The following ADK variants were observed in gnomAD, a reference collection of about 807,000 sequenced individuals.
The protein encoded by ADK is adenosine kinase, also known as N6,N6-dimethyladenosine kinase.
A neutral mutation model predicts 44.7 loss-of-function variants in ADK; 24 were observed. That is an observed-to-expected ratio of 0.54 (90% CI 0.39 to 0.76). The LOEUF (loss-of-function observed/expected upper bound fraction) is 0.76, where lower values mean the gene tolerates loss of function less well. Ranked by LOEUF, ADK falls within the 30% of genes least tolerant of loss-of-function variation. The probability of loss-of-function intolerance (pLI) is 0.00; values close to 1 mark genes in which losing one functional copy is unlikely to be tolerated. For synonymous variants in ADK, 128 were observed against 142.6 expected (o/e 0.90, Z 0.73); for missense variants, 321 against 425.1 (o/e 0.76, Z 2.15).
In ADK at chr10:74,479,919, A is replaced by C. The variant is rs1261393491; in HGVS notation, c.556-45337A>C. On this transcript the variant is annotated intron_variant, in intron 6 of 10. Transcript: ENST00000539909. Reference sequence around the variant, plus strand: ...AACTATGTTCTTTCCATCCTTTTTAATTTATAATTATAATTATCTTATTAA... The same window carrying C: ...AACTATGTTCTTTCCATCCTTTTTACTTTATAATTATAATTATCTTATTAA... Among the ~76,000 whole-genome samples the C allele has an allele frequency of 2.6e-5, 4 of 152,008 alleles. No individual in the cohort carries two copies. In the East Asian group the frequency reaches 7.7e-4, roughly 29 times the overall value.
chr10:74,644,934 G>A (rs1193817303), intron 9 of ADK, among the ~76,000 whole-genome samples: 2 of 152,052 alleles, frequency 1.3e-5, no homozygotes, highest in Non-Finnish European at 1.5e-5. Flanking sequence ...TTTAGCCCAC[G>A]TCTTATCCAA....
chr10:74,507,191 A>G (rs1848113824), intron 6 of ADK, among the ~76,000 whole-genome samples: 1 of 152,234 alleles, frequency 6.6e-6, no homozygotes, highest in South Asian at 2.1e-4. Context: ...CAAAAACACT[A>G]AAAACACTGT....
chr10:74,185,530 T>A (rs531581700), intron 1 of ADK, among the ~76,000 whole-genome samples: 1 of 151,832 alleles, frequency 6.6e-6, no homozygotes, highest in South Asian at 2.1e-4. Flanking sequence ...AATTTTTTTT[T>A]TTTTTTGAAG....
At chr10:74,691,444 G>A (rs532441097) in intron 10 of ADK, among the ~76,000 whole-genome samples, 2 of 152,282 alleles carry the variant, frequency 1.3e-5, no homozygotes, top group Non-Finnish European at 2.9e-5. Context: ...CTACTATACA[G>A]TGTGAAGTTT....
chr10:74,300,875 G>A (rs1239688751), intron 3 of ADK, among the ~76,000 whole-genome samples: 4 of 152,204 alleles, frequency 2.6e-5, no homozygotes, highest in African/African-American at 4.8e-5. Flanking sequence ...GCAGATGTTT[G>A]TGGGCTCAAA....
At chr10:74,260,865 A>G (rs946825959) in intron 3 of ADK, among the ~76,000 whole-genome samples, 2 of 152,258 alleles carry the variant, frequency 1.3e-5, no homozygotes, top group Non-Finnish European at 2.9e-5. Context: ...ACAATAAAAT[A>G]TAACAGTCTC....
At chr10:74,641,960 C>G (rs1380172350) in intron 9 of ADK, among the ~76,000 whole-genome samples, 10 of 152,186 alleles carry the variant, frequency 6.6e-5, no homozygotes, top group Admixed American at 6.5e-4. Flanking sequence ...TTCAAGGAAT[C>G]TCTTCTATGA....
At chr10:74,176,565 A>T in intron 1 of ADK, 1 of 1,348,330 alleles carries the variant, frequency 7.4e-7, no homozygotes, top group Non-Finnish European at 9.5e-7. Flanking sequence ...CTAGGACTCA[A>T]GATGGCCACC....
intron 3 of ADK, among the ~76,000 whole-genome samples, chr10:74,294,243 T>G (rs1158470991): frequency 6.6e-6 from 1 of 152,188 alleles, no homozygotes; most frequent in Non-Finnish European, 1.5e-5. Context: ...GTGAACATTC[T>G]TGGGTGTGTC....
intron 6 of ADK, among the ~76,000 whole-genome samples, chr10:74,493,370 T>C (rs563863989): frequency 1.3e-5 from 2 of 151,260 alleles, no homozygotes; most frequent in African/African-American, 4.9e-5. Context: ...TGTGTGTATA[T>C]ACATATATAT....
intron 10 of ADK, among the ~76,000 whole-genome samples, chr10:74,682,690 C>A (rs374388561): frequency 6.6e-6 from 1 of 151,732 alleles, no homozygotes; most frequent in East Asian, 1.9e-4. Context: ...TCTCCAGCCT[C>A]AGCCTCCCAA....
chr10:74,462,527 A>G (rs1292157133), intron 6 of ADK, among the ~76,000 whole-genome samples: 1 of 152,180 alleles, frequency 6.6e-6, no homozygotes, highest in Non-Finnish European at 1.5e-5. Context: ...AATAAGATAT[A>G]TATTTCATAT....
chr10:74,487,938 G>T (rs1441242419), intron 6 of ADK, among the ~76,000 whole-genome samples: 1 of 151,934 alleles, frequency 6.6e-6, no homozygotes, highest in Non-Finnish European at 1.5e-5. Context: ...TTTTAAGAAG[G>T]AGACATAATC....
At chr10:74,411,770 T>C (rs1844186204) in intron 6 of ADK, among the ~76,000 whole-genome samples, 2 of 152,218 alleles carry the variant, frequency 1.3e-5, no homozygotes, top group Admixed American at 1.3e-4. Flanking sequence ...GCATACAATG[T>C]TGTTTGATAG....
chr10:74,341,788 A>G (rs1408839528), intron 4 of ADK, among the ~76,000 whole-genome samples: 1 of 152,150 alleles, frequency 6.6e-6, no homozygotes, highest in Non-Finnish European at 1.5e-5. Flanking sequence ...TTGACAATTC[A>G]TTTATGAACA....
chr10:74,352,618 A>G (rs1429072112), intron 4 of ADK, among the ~76,000 whole-genome samples: 6 of 152,248 alleles, frequency 3.9e-5, no homozygotes, highest in Middle Eastern at 3.2e-3. Flanking sequence ...GAAAGAAACT[A>G]TCATCAGAGT....
intron 6 of ADK, among the ~76,000 whole-genome samples, chr10:74,433,941 A>C (rs541929421): frequency 6.6e-6 from 1 of 152,310 alleles, no homozygotes; most frequent in South Asian, 2.1e-4. Context: ...GAAAGGTGTT[A>C]TATTAGTCTA....
At chr10:74,416,052 A>G (rs1018131516) in intron 6 of ADK, among the ~76,000 whole-genome samples, 7 of 151,406 alleles carry the variant, frequency 4.6e-5, no homozygotes, top group African/African-American at 1.7e-4. Flanking sequence ...ACACACACAC[A>G]CACACACACA....
intron 7 of ADK, among the ~76,000 whole-genome samples, chr10:74,530,044 G>T (rs2133659947): frequency 6.6e-6 from 1 of 152,184 alleles, no homozygotes; most frequent in African/African-American, 2.4e-5. Flanking sequence ...TAAGTTGAAG[G>T]TCAAAATCAG....
Sources: allele counts gnomAD v4.1 joint callset (sites outside exome capture counted in the v4.1 genomes callset), GRCh38; gene constraint gnomAD v4.1.1; transcripts MANE v1.5; gene names NCBI Gene and HGNC (gene_info 2026-07-23, HGNC 2026-07-21).